MECOM: variants seen among roughly 807,000 people sequenced by gnomAD.
MECOM encodes histone-lysine N-methyltransferase MECOM.
In MECOM, 13 loss-of-function variants were observed where a neutral mutation model predicts 116.3. That is an observed-to-expected ratio of 0.11 (90% CI 0.07 to 0.18). The LOEUF (loss-of-function observed/expected upper bound fraction) is 0.18. Among genes scored for constraint, MECOM ranks in the 10% least tolerant of loss-of-function variants. The pLI is 1.00. For missense variants in MECOM, 1,299 were observed against 1,509.0 expected (o/e 0.86, Z 2.31); for synonymous variants, 528 against 535.2 (o/e 0.99, Z 0.19).
In MECOM at chr3:169,121,159, G is replaced by T; in HGVS notation, c.1029C>A (p.Val343=). The change falls in exon 7 of 17, where the codon GTC becomes GTA. Residue 343 remains valine, a synonymous_variant. Coordinates refer to ENST00000651503, the MANE Select transcript of MECOM (RefSeq NM_004991.4). ...NLQRHIRSQH[V]GARAHACPEC... ...CCGGGCATGCATGGGCCCGGGCACC[G>T]ACATGCTGAGAGCGAATGTGCCGCT... 6.2e-7 allele frequency: 1 copy of T among 1,613,284 alleles called. No individual in the cohort carries two copies. The highest frequency in any genetic ancestry group is 1.1e-5 in the South Asian group (1 of 90,830).
At chr3:169,270,028 T>C (rs996638474) in intron 2 of MECOM, among the ~76,000 whole-genome samples, 1 of 152,076 alleles carries the variant, frequency 6.6e-6, no homozygotes, top group East Asian at 1.9e-4. Context: ...AGTGTAGGTG[T>C]TTTGTGCATT....
chr3:169,299,825 A>T (rs533453147), intron 2 of MECOM, among the ~76,000 whole-genome samples: 34 of 152,304 alleles, frequency 2.2e-4, no homozygotes, highest in East Asian at 5.8e-4. Flanking sequence ...TTGCCCCACA[A>T]AGAAATCAAA....
chr3:169,615,184 A>T (rs1769847818), intron 1 of MECOM, among the ~76,000 whole-genome samples: 1 of 152,234 alleles, frequency 6.6e-6, no homozygotes. Context: ...AATAGTTGTT[A>T]AATTGGCTTA....
At chr3:169,207,909 G>C (rs1000241278) in intron 2 of MECOM, among the ~76,000 whole-genome samples, 2 of 152,160 alleles carry the variant, frequency 1.3e-5, no homozygotes, top group African/African-American at 4.8e-5. Flanking sequence ...CGCTGACGAT[G>C]TGAATGAAAA....
Position 169,131,458 on chromosome 3 carries a change from G to A in MECOM, c.584C>T (p.Pro195Leu), listed in dbSNP as rs1488607871. 1.2e-6 allele frequency: 2 copies of A among 1,613,982 alleles called. No individual in the cohort carries two copies. Among genetic ancestry groups the A allele is most frequent in the South Asian group, 1.1e-5 (1 of 91,064 alleles). The part of the protein sequence containing the change: ...LLLFMKSEDY[P>L]HETMAPDIHE... ...GATATCCGGCGCCATAGTTTCATGG[G>A]GATAGTCTTCGCTCTTCATGAACAG... Residue 195 changes from proline (P) to leucine (L), a missense_variant, in exon 4 of 17, where the codon CCC becomes CTC. Physicochemically the swap from Pro to Leu is moderately conservative, Grantham distance 98 (BLOSUM62 -3). This residue lies in a region of MECOM where 374 missense variants were observed against 433.4 expected (regional missense o/e 0.86). Transcript: ENST00000651503.
At chr3:169,477,423 C>T (rs905591198) in intron 1 of MECOM, among the ~76,000 whole-genome samples, 1 of 151,926 alleles carries the variant, frequency 6.6e-6, no homozygotes, top group African/African-American at 2.4e-5. Context: ...GATCCAAATC[C>T]TTGCAAGGTA....
At chr3:169,306,382 AG>A (rs1206483959) in intron 2 of MECOM, among the ~76,000 whole-genome samples, 1 of 152,230 alleles carries the variant, frequency 6.6e-6, no homozygotes, top group Admixed American at 6.5e-5. Context: ...TAAAATAGAA[AG>A]AAGTGGCAGA....
intron 2 of MECOM, among the ~76,000 whole-genome samples, chr3:169,230,077 T>C (rs1753189433): frequency 6.6e-6 from 1 of 152,166 alleles, no homozygotes; most frequent in South Asian, 2.1e-4. Context: ...AATACTCTCT[T>C]TGGATTTACT....
intron 1 of MECOM, among the ~76,000 whole-genome samples, chr3:169,392,720 A>G (rs936397746): frequency 1.3e-5 from 2 of 152,178 alleles, no homozygotes; most frequent in Admixed American, 6.6e-5. Context: ...TAATTCTGCA[A>G]TTGGGCATGC....
intron 1 of MECOM, among the ~76,000 whole-genome samples, chr3:169,649,821 T>A (rs1474018632): frequency 6.6e-6 from 1 of 152,230 alleles, no homozygotes; most frequent in Non-Finnish European, 1.5e-5. Context: ...CTTAAAGATT[T>A]ATATGAATAA....
chr3:169,523,433 A>ATT (rs34747811), intron 1 of MECOM, among the ~76,000 whole-genome samples: 1 of 147,924 alleles, frequency 6.8e-6, no homozygotes. Context: ...ACTGCAGGTA[A>ATT]TTTTTTTTTT....
At chr3:169,145,026 A>G (rs1278578923) in intron 2 of MECOM, 8 of 1,557,076 alleles carry the variant, frequency 5.1e-6, no homozygotes, top group Admixed American at 1.9e-5. Flanking sequence ...CCAGTGCTCC[A>G]AGGGCTTTAG....
intron 1 of MECOM, among the ~76,000 whole-genome samples, chr3:169,616,069 G>C (rs1769959226): frequency 6.6e-6 from 1 of 152,206 alleles, no homozygotes; most frequent in African/African-American, 2.4e-5. Context: ...GGGAGTCGCT[G>C]TCAGTAAGAG....
chr3:169,497,193 C>T (rs1210913649), intron 1 of MECOM, among the ~76,000 whole-genome samples: 1 of 152,154 alleles, frequency 6.6e-6, no homozygotes, highest in Non-Finnish European at 1.5e-5. Context: ...TTACTATCAG[C>T]AACCAAGTCC....
intron 1 of MECOM, among the ~76,000 whole-genome samples, chr3:169,383,722 T>A (rs1732853419): frequency 6.6e-6 from 1 of 152,254 alleles, no homozygotes; most frequent in Non-Finnish European, 1.5e-5. Context: ...ATCTCCAGTG[T>A]CTGCAGGTAA....
Position 169,284,060 on chromosome 3 carries a change from C to T in MECOM, c.375+97127G>A, listed in dbSNP as rs552232441. On this transcript the variant is annotated intron_variant, in intron 2 of 16. Transcript: ENST00000651503. The stretch of plus-strand genomic sequence containing the variant: ...AAGAGTGTCCCATTCGAAATAGTTC[C>T]TTCAGGTGCACAGGCCAATTGCTGG... 3.3e-5 allele frequency among the ~76,000 whole-genome samples: 5 copies of T among 152,272 alleles called. No homozygotes were observed. In the East Asian group the frequency reaches 9.7e-4, roughly 29 times the overall value.
chr3:169,161,717 G>A (rs1026138221), intron 2 of MECOM, among the ~76,000 whole-genome samples: 1 of 152,056 alleles, frequency 6.6e-6, no homozygotes, highest in Non-Finnish European at 1.5e-5. Flanking sequence ...ACACACTTCC[G>A]ATAAACAGAA....
intron 2 of MECOM, among the ~76,000 whole-genome samples, chr3:169,254,696 C>T (rs1362927442): frequency 6.6e-6 from 1 of 151,706 alleles, no homozygotes; most frequent in African/African-American, 2.4e-5. Context: ...TCAGATAACC[C>T]CTAAAATAAG....
intron 2 of MECOM, among the ~76,000 whole-genome samples, chr3:169,342,401 CTT>C (rs1350548839): frequency 6.6e-6 from 1 of 151,988 alleles, no homozygotes; most frequent in Non-Finnish European, 1.5e-5. Context: ...TATATCTAAA[CTT>C]AATCACTGCA....
Sources: allele counts gnomAD v4.1 joint callset (sites outside exome capture counted in the v4.1 genomes callset), GRCh38; gene constraint gnomAD v4.1.1; regional missense constraint gnomAD v4.1.1; transcripts MANE v1.5; gene names NCBI Gene and HGNC (gene_info 2026-07-23, HGNC 2026-07-21).